KCNIP1: variants seen among roughly 807,000 people sequenced by gnomAD.
KCNIP1 encodes potassium voltage-gated channel interacting protein 1, also known as A-type potassium channel modulatory protein KCNIP1.
KCNIP1 carries 18 observed loss-of-function variants against 33.0 expected under a neutral mutation model. That is an observed-to-expected ratio of 0.55 (90% confidence interval 0.38 to 0.81). The LOEUF is 0.81. Among genes scored for constraint, KCNIP1 ranks in the 30% least tolerant of loss-of-function variants. The probability of loss-of-function intolerance (pLI) is 0.00; values close to 1 mark genes in which losing one functional copy is unlikely to be tolerated. For missense variants in KCNIP1, 238 were observed against 271.6 expected (o/e 0.88, Z 0.87); for synonymous variants, 93 against 98.3 (o/e 0.95, Z 0.32).
chr5:170,491,373 A>T (rs1197274386), intron 1 of KCNIP1, among the ~76,000 whole-genome samples: 1 of 152,234 alleles, frequency 6.6e-6, no homozygotes, highest in African/African-American at 2.4e-5. Flanking sequence ...GCCAGGACTC[A>T]TACTATTTTT....
intron 1 of KCNIP1, among the ~76,000 whole-genome samples, chr5:170,477,751 C>T (rs1300364280): frequency 6.6e-6 from 1 of 152,106 alleles, no homozygotes; most frequent in Non-Finnish European, 1.5e-5. Context: ...CGGGTTGGCT[C>T]TTATCTATTT....
intron 1 of KCNIP1, among the ~76,000 whole-genome samples, chr5:170,626,415 C>T (rs1415979830): frequency 6.6e-6 from 1 of 152,156 alleles, no homozygotes; most frequent in Non-Finnish European, 1.5e-5. Context: ...GTGGGGAAGG[C>T]AGTCTGCCCC....
At chr5:170,548,776 T>C (rs1756504784) in intron 1 of KCNIP1, among the ~76,000 whole-genome samples, 2 of 152,236 alleles carry the variant, frequency 1.3e-5, no homozygotes, top group South Asian at 4.1e-4. Flanking sequence ...TTTCTAAGCA[T>C]ATTTTGTGGT....
intron 1 of KCNIP1, among the ~76,000 whole-genome samples, chr5:170,562,886 G>C (rs1017654725): frequency 6.6e-6 from 1 of 152,222 alleles, no homozygotes; most frequent in African/African-American, 2.4e-5. Context: ...TCCTGTAGCT[G>C]TCTGCAGTCT....
chr5:170,520,331 G>A (rs1388204853), intron 1 of KCNIP1, among the ~76,000 whole-genome samples: 1 of 151,948 alleles, frequency 6.6e-6, no homozygotes, highest in Non-Finnish European at 1.5e-5. Context: ...ACCCAGGCCC[G>A]TCTGTGCCCT....
At chr5:170,660,021 G>A (rs1040631453) in intron 1 of KCNIP1, among the ~76,000 whole-genome samples, 3 of 152,112 alleles carry the variant, frequency 2.0e-5, no homozygotes, top group African/African-American at 7.2e-5. Context: ...CACAGAGGTG[G>A]GAGGAGCATG....
intron 1 of KCNIP1, among the ~76,000 whole-genome samples, chr5:170,653,845 C>A (rs1012720096): frequency 1.3e-5 from 2 of 152,080 alleles, no homozygotes; most frequent in African/African-American, 4.8e-5. Context: ...CAGCCTTCCA[C>A]TCCCACCCTG....
At position 170,475,973 on chromosome 5, in the gene KCNIP1, T is replaced by C. The variant is rs529533235; in HGVS notation, c.88+122009T>C. Among the ~76,000 whole-genome samples, 1,037 of 133,516 alleles carry C rather than the reference T, an allele frequency of 7.8e-3. 5 individuals are homozygous for C. The highest frequency in any genetic ancestry group is 0.031 in the South Asian group (131 of 4,222). The allele number at this position is 133,516 out of a possible 152,430, so 87.6% of individuals were successfully genotyped here. A position where few individuals can be genotyped will look rare whatever the true frequency, so the allele number is the denominator to read the frequency against. On this transcript the variant is annotated intron_variant, in intron 1 of 7. Transcript: ENST00000377360. ...TTATTAGAACAATTTTGGTTTAAAC[T>C]TTTTTTTTTTTTTTGAAACAGGGTC...
chr5:170,497,556 A>T (rs1757333190), intron 1 of KCNIP1, among the ~76,000 whole-genome samples: 1 of 152,214 alleles, frequency 6.6e-6, no homozygotes, highest in South Asian at 2.1e-4. Context: ...AAAGGTTCAC[A>T]GGTTTTATCA....
At chr5:170,383,740 G>C in intron 1 of KCNIP1, 1 of 1,614,190 alleles carries the variant, frequency 6.2e-7, no homozygotes, top group Non-Finnish European at 8.5e-7. Context: ...GCCGGCAGCT[G>C]ACACGTTGAC....
rs563242026 is a variant in KCNIP1 at position 170,539,062 on chromosome 5, C to T, written c.61+34429C>T. On this transcript the variant is annotated intron_variant, in intron 1 of 7. Coordinates refer to ENST00000328939, the MANE Select transcript of KCNIP1 (RefSeq NM_014592.4). ...TCTGCAGGTCCTATGATCATGGCCT[C>T]CAGAATCTGTCTCATTTCGTCCACA... 4.6e-5 allele frequency among the ~76,000 whole-genome samples: 7 copies of T among 152,052 alleles called. No homozygotes were observed. In the East Asian group the frequency reaches 1.4e-3, roughly 30 times the overall value.
Position 170,721,851 on chromosome 5 carries a change from A to T in KCNIP1, c.275A>T (p.His92Leu). ...FPHGDASTYA[H>L]YLFNAFDTTQ... Reference sequence around the variant, plus strand: ...CTTGTAGATGCCAGCACGTATGCCCATTACCTCTTCAATGCCTTCGACACC... The same window carrying T: ...CTTGTAGATGCCAGCACGTATGCCCTTTACCTCTTCAATGCCTTCGACACC... Residue 92 changes from histidine to leucine, a missense_variant, in exon 4 of 8, where the codon CAT (histidine) becomes CTT (leucine). Physicochemically the swap from His to Leu is moderately conservative, Grantham distance 99 (BLOSUM62 -3). Coordinates refer to ENST00000328939, the MANE Select transcript of KCNIP1 (RefSeq NM_014592.4). The T allele has an allele frequency of 6.2e-7, 1 of 1,614,080 alleles. No homozygotes were observed. The highest frequency in any genetic ancestry group is 8.5e-7 in the Non-Finnish European group (1 of 1,180,024).
chr5:170,477,731 A>C (rs1284407152), intron 1 of KCNIP1, among the ~76,000 whole-genome samples: 2 of 152,064 alleles, frequency 1.3e-5, no homozygotes, highest in East Asian at 3.8e-4. Context: ...TGTGAGTGAA[A>C]GCACCTGGCC....
chr5:170,700,616 C>A (rs114564329), intron 1 of KCNIP1, among the ~76,000 whole-genome samples: 3,207 of 152,240 alleles, frequency 0.021, 58 homozygotes, highest in Non-Finnish European at 0.032. Context: ...CAGGACTGAT[C>A]CCTCTGTGAG....
intron 1 of KCNIP1, among the ~76,000 whole-genome samples, chr5:170,388,018 GC>G (rs3838244): frequency 0.027 from 4,090 of 148,906 alleles, 115 homozygotes; most frequent in East Asian, 0.11. Flanking sequence ...TGGCTAATCA[GC>G]CCCCCCCAGC....
chr5:170,415,484 C>A (rs970702426), intron 1 of KCNIP1, among the ~76,000 whole-genome samples: 3 of 152,148 alleles, frequency 2.0e-5, no homozygotes, highest in Admixed American at 1.3e-4. Context: ...AAAAATGTCT[C>A]AAGACACACC....
intron 4 of KCNIP1, 82 bp downstream of exon 4, chr5:170,721,985 G>A: frequency 6.7e-7 from 1 of 1,490,502 alleles, no homozygotes; most frequent in African/African-American, 1.4e-5. Flanking sequence ...TTGGGGGAAG[G>A]TCTGGACCAT....
At chr5:170,440,169 AG>A (rs1467930602) in intron 1 of KCNIP1, among the ~76,000 whole-genome samples, 5 of 152,218 alleles carry the variant, frequency 3.3e-5, no homozygotes, top group African/African-American at 1.2e-4. Flanking sequence ...CTGCAAACCA[AG>A]GAGAGAGGCC....
intron 1 of KCNIP1, among the ~76,000 whole-genome samples, chr5:170,472,712 G>C (rs1561641472): frequency 6.6e-6 from 1 of 151,964 alleles, no homozygotes; most frequent in Non-Finnish European, 1.5e-5. Flanking sequence ...ACTTCACTTA[G>C]AATAATAGTC....
Sources: gnomAD v4.1 joint callset for allele counts (sites outside exome capture counted in the v4.1 genomes callset) on GRCh38, gnomAD v4.1.1 for gene constraint, MANE v1.5 for transcripts, NCBI Gene and HGNC (gene_info 2026-07-23, HGNC 2026-07-21) for gene names.